The following SINHCAF variants were observed in gnomAD, a reference collection of about 807,000 sequenced individuals.
SINHCAF encodes the protein SIN3-HDAC complex associated factor, also known as SIN3-HDAC complex-associated factor.
SINHCAF carries 3 observed loss-of-function variants against 25.8 expected under a neutral mutation model. The ratio of observed to expected loss-of-function variants is 0.12; its 90% CI spans 0.05 to 0.30. The LOEUF (loss-of-function observed/expected upper bound fraction) is 0.30. Ranked by LOEUF, SINHCAF falls within the 10% of genes least tolerant of loss-of-function variation. The pLI, the probability that SINHCAF is intolerant of heterozygous loss-of-function variation, is 1.00. For synonymous variants in SINHCAF, 70 were observed against 85.5 expected, an observed-to-expected ratio of 0.82 and a Z score of 1.00; for missense variants, 121 against 262.3, an observed-to-expected ratio of 0.46 and a Z score of 3.72.
intron 1 of SINHCAF, among the ~76,000 whole-genome samples, chr12:31,301,272 A>G (rs2137100139): frequency 6.6e-6 from 1 of 152,318 alleles, no homozygotes; most frequent in Middle Eastern, 3.4e-3. Flanking sequence ...ACCCCTAGCA[A>G]GACATTCCAG....
chr12:31,296,035 T>A (rs977225186), intron 2 of SINHCAF, among the ~76,000 whole-genome samples: 9 of 151,930 alleles, frequency 5.9e-5, no homozygotes, highest in East Asian at 5.8e-4. Flanking sequence ...TTTTTTTTTT[T>A]AATTTAATTT....
At chr12:31,312,150 TTGGAA>T in intron 1 of SINHCAF, 1 of 409,056 alleles carries the variant, frequency 2.4e-6, no homozygotes, top group Non-Finnish European at 4.7e-6. Context: ...TTAAACTTAA[TTGGAA>T]CTATACAGAA....
chr12:31,291,691 T>C (rs1455091711), intron 4 of SINHCAF, among the ~76,000 whole-genome samples: 1 of 151,516 alleles, frequency 6.6e-6, no homozygotes, highest in Non-Finnish European at 1.5e-5. Flanking sequence ...TTGAACCCAG[T>C]AGGGGGAGGT....
chr12:31,294,659 AC>A (rs1938475090), intron 3 of SINHCAF, among the ~76,000 whole-genome samples: 1 of 152,196 alleles, frequency 6.6e-6, no homozygotes, highest in African/African-American at 2.4e-5. Context: ...CAAAATCATG[AC>A]CTATTATAAT....
chr12:31,300,765 G>C (rs201324802), intron 1 of SINHCAF, among the ~76,000 whole-genome samples: 3 of 151,984 alleles, frequency 2.0e-5, no homozygotes, highest in Admixed American at 2.0e-4. Flanking sequence ...TACGGCCCTC[G>C]TCCTCACACC....
intron 5 of SINHCAF, among the ~76,000 whole-genome samples, chr12:31,284,863 T>C (rs1937968531): frequency 6.6e-6 from 1 of 152,236 alleles, no homozygotes; most frequent in Non-Finnish European, 1.5e-5. Flanking sequence ...ATAATATGTC[T>C]TGATTTCTGT....
At chr12:31,317,530 T>C (rs1005398195) in intron 1 of SINHCAF, among the ~76,000 whole-genome samples, 22 of 152,164 alleles carry the variant, frequency 1.4e-4, no homozygotes, top group African/African-American at 5.3e-4. Flanking sequence ...TCTTTTTAAA[T>C]TGGTTCTTAA....
intron 5 of SINHCAF, among the ~76,000 whole-genome samples, chr12:31,286,339 C>CACTA (rs1322107648): frequency 6.6e-6 from 1 of 151,892 alleles, no homozygotes; most frequent in African/African-American, 2.4e-5. Flanking sequence ...TTCTTTGCAC[C>CACTA]ACTAAGAAGA....
At chr12:31,311,798 T>C (rs1939281393) in intron 1 of SINHCAF, 2 of 492,238 alleles carry the variant, frequency 4.1e-6, no homozygotes, top group South Asian at 3.5e-5. Flanking sequence ...GTGGAACTTT[T>C]AAGTGGGGTG....
chr12:31,309,267 T>A (rs554134763), intron 1 of SINHCAF, among the ~76,000 whole-genome samples: 1 of 151,726 alleles, frequency 6.6e-6, no homozygotes, highest in East Asian at 1.9e-4. Context: ...CAAATCTCCA[T>A]CCCCTTCCCA....
intron 4 of SINHCAF, among the ~76,000 whole-genome samples, chr12:31,288,635 GTAA>G (rs1938177204): frequency 6.4e-5 from 1 of 15,572 alleles, no homozygotes; most frequent in African/African-American, 9.1e-4. Flanking sequence ...CTGGCGGTAA[GTAA>G]TAGGGTGGTG....
At chr12:31,287,507 G>T in intron 5 of SINHCAF, 127 bp downstream of exon 5, 1 of 598,186 alleles carries the variant, frequency 1.7e-6, no homozygotes, top group Non-Finnish European at 2.8e-6. Context: ...CTCAATTCCT[G>T]CTTAATCCAC....
chr12:31,321,922 C>T (rs59157613), intron 1 of SINHCAF, among the ~76,000 whole-genome samples: 37 of 152,174 alleles, frequency 2.4e-4, no homozygotes, highest in South Asian at 4.1e-4. Context: ...AATTGCTTCT[C>T]TGACATAAAT....
intron 1 of SINHCAF, among the ~76,000 whole-genome samples, chr12:31,317,503 CTG>C (rs905728183): frequency 9.9e-5 from 15 of 152,136 alleles, no homozygotes; most frequent in Non-Finnish European, 1.6e-4. Context: ...TAAAATGAGA[CTG>C]TAACTACACA....
rs76151790 is a variant in SINHCAF at position 31,300,176 on chromosome 12, A to AT, written c.-20-1953dup. On this transcript the variant is annotated intron_variant, in intron 1 of 5. Coordinates refer to ENST00000337682, the MANE Select transcript of SINHCAF (RefSeq NM_001135812.2). ...CCAAATATCCAGGCTTTTTATGTGT[A>AT]TTTTTTTGGTATTGAGGGGTTTTGA... Among the ~76,000 whole-genome samples the AT allele has an allele frequency of 9.3e-3, 1,413 of 152,200 alleles. 11 individuals are homozygous for AT. Among genetic ancestry groups the AT allele is most frequent in the East Asian group, 0.043 (224 of 5,172 alleles).
intron 1 of SINHCAF, among the ~76,000 whole-genome samples, chr12:31,322,777 A>T (rs916013533): frequency 2.6e-5 from 4 of 152,224 alleles, no homozygotes; most frequent in Admixed American, 6.5e-5. Context: ...CTTAGATTCT[A>T]GGCCTTACAC....
intron 5 of SINHCAF, among the ~76,000 whole-genome samples, chr12:31,285,418 T>TACACACACACACACACACACAC (rs71444392): frequency 7.1e-6 from 1 of 141,352 alleles, no homozygotes; most frequent in Non-Finnish European, 1.5e-5. Flanking sequence ...TATATATACA[T>TACACACACACACACACACACAC]ACACACACAC....
chr12:31,302,797 G>A (rs866863254), intron 1 of SINHCAF: 6 of 327,460 alleles, frequency 1.8e-5, no homozygotes, highest in East Asian at 1.7e-4. Flanking sequence ...AGGGTCTGGC[G>A]GAAGGATGAT....
intron 1 of SINHCAF, chr12:31,303,107 C>T (rs1367687981): frequency 1.0e-6 from 1 of 985,178 alleles, no homozygotes; most frequent in Admixed American, 6.1e-5. Context: ...ACAGTTAAAA[C>T]ATGCCTATTT....
Sources: gnomAD v4.1 joint callset for allele counts (sites outside exome capture counted in the v4.1 genomes callset) on GRCh38, gnomAD v4.1.1 for gene constraint, MANE v1.5 for transcripts, NCBI Gene and HGNC (gene_info 2026-07-23, HGNC 2026-07-21) for gene names.